COL8A2: variants seen among roughly 807,000 people sequenced by gnomAD.
The protein encoded by COL8A2 is collagen alpha-2(VIII) chain.
Under a neutral mutation model 24.0 loss-of-function variants are expected in COL8A2, and 16 were observed. The observed-to-expected ratio is 0.67, with a 90% confidence interval of 0.45 to 1.01. The LOEUF is 1.01. Ranked by LOEUF, COL8A2 falls within the 50% of genes least tolerant of loss-of-function variation. COL8A2 has a pLI of 0.00. For synonymous variants in COL8A2, 466 were observed against 424.5 expected, an observed-to-expected ratio of 1.10 and a Z score of -1.20; for missense variants, 818 against 942.4, an observed-to-expected ratio of 0.87 and a Z score of 1.73.
At chr1:36,106,678 G>A (rs540624330) in intron 2 of COL8A2, among the ~76,000 whole-genome samples, 16 of 150,632 alleles carry the variant, frequency 1.1e-4, no homozygotes, top group Admixed American at 4.0e-4. Context: ...GGGTGCTCAG[G>A]GCAAAAAGGA....
chr1:36,098,209 G>T lies in COL8A2; in HGVS notation c.1472C>A (p.Pro491His). 6.5e-7 allele frequency: 1 copy of T among 1,539,398 alleles called. No individual in the cohort carries two copies. The change falls in exon 4 of 4, where the codon CCC (proline) becomes CAC (histidine). Residue 491 changes from proline (P) to histidine (H), a missense_variant. Physicochemically the swap from Pro to His is moderately conservative, Grantham distance 77. Transcript: ENST00000397799. ...TTCCCCTGCTCTCCCCTCTCCAGGGGGCCCTGGCAGGCCTGGTTCCCCCTT... is the reference window on the plus strand; with the variant it reads ...TTCCCCTGCTCTCCCCTCTCCAGGGTGCCCTGGCAGGCCTGGTTCCCCCTT... ...GLKGEPGLPG[P>H]PGEGRAGEPG... is the part of the protein sequence containing the mutation.
At chr1:36,109,342 C>A (rs1340813425) in intron 2 of COL8A2, among the ~76,000 whole-genome samples, 1 of 152,232 alleles carries the variant, frequency 6.6e-6, no homozygotes, top group Non-Finnish European at 1.5e-5. Context: ...CTCCTTCTGG[C>A]TCTGTCTCTG....
intron 2 of COL8A2, among the ~76,000 whole-genome samples, chr1:36,112,609 A>T (rs1643858674): frequency 6.6e-6 from 1 of 152,014 alleles, no homozygotes; most frequent in Admixed American, 6.6e-5. Context: ...AGCACCTGGC[A>T]CACCCCCGTC....
Position 36,098,723 on chromosome 1 carries a change from G to T in COL8A2, c.958C>A (p.Leu320Met), listed in dbSNP as rs1341920818. 6.2e-7 allele frequency: 1 copy of T among 1,610,242 alleles called. No homozygotes were observed. Among genetic ancestry groups the T allele is most frequent in the East Asian group, 2.2e-5 (1 of 44,786 alleles). ...CCCCTGTCCCCCTTGGGGCCTGGCA[G>T]TCCTGGCATCCCATAGCCAGTGGGG... ...IGPTGYGMPG[L>M]PGPKGDRGPA... Residue 320 changes from leucine (L) to methionine (M), a missense_variant, in exon 4 of 4, where the codon CTG (leucine) becomes ATG (methionine). By Grantham distance (15) the Leu-to-Met change is conservative. This residue lies in a region of COL8A2 where 573 missense variants were observed against 616.8 expected (regional missense o/e 0.93). Transcript: ENST00000397799.
intron 2 of COL8A2, among the ~76,000 whole-genome samples, chr1:36,102,328 G>A (rs1182987318): frequency 6.6e-6 from 1 of 152,176 alleles, no homozygotes; most frequent in East Asian, 1.9e-4. Flanking sequence ...TGGATCAGTG[G>A]TTGCCTAAGG....
In COL8A2 at chr1:36,097,557, C is replaced by G. The variant is rs3738360; in HGVS notation, c.*12G>C. 6 of 1,585,202 alleles carry G rather than the reference C, an allele frequency of 3.8e-6. No individual in the cohort carries two copies. The Admixed American group carries it at 5.1e-5, about 13-fold the overall frequency. ...GGGGAGGAGGCCAGGGCAGCAGGAC[C>G]CCCCCCGCGGGTTATGTGGGGCAGA... On this transcript the variant is annotated 3_prime_UTR_variant, in exon 4 of 4. Transcript: ENST00000397799.
intron 2 of COL8A2, among the ~76,000 whole-genome samples, chr1:36,106,053 C>G (rs1643756181): frequency 6.6e-6 from 1 of 151,592 alleles, no homozygotes; most frequent in Non-Finnish European, 1.5e-5. Context: ...GGCGGATCAC[C>G]TGAGGTCAGG....
In COL8A2 at chr1:36,097,859, C is replaced by T. The variant is rs763029689; in HGVS notation, c.1822G>A (p.Ala608Thr). Residue 608 changes from alanine to threonine, a missense_variant, in exon 4 of 4, where the codon GCC (alanine) becomes ACC (threonine). Physicochemically the swap from Ala to Thr is moderately conservative, Grantham distance 58 (BLOSUM62 0). Around this residue, in one of 3 missense-constraint regions of COL8A2, gnomAD observed 235 missense variants for 297.3 expected, o/e 0.79. Transcript: ENST00000397799. Reference protein sequence around the residue: ...LYNGHSGYNPATGIFTCPVGG... With the variant: ...LYNGHSGYNPTTGIFTCPVGG... Reference sequence around the variant, plus strand: ...ACAGGGCAGGTGAAGATGCCAGTGGCTGGGTTGTAGCCGCTGTGGCCATTG... The same window carrying T: ...ACAGGGCAGGTGAAGATGCCAGTGGTTGGGTTGTAGCCGCTGTGGCCATTG... 6.2e-7 allele frequency: 1 copy of T among 1,612,670 alleles called. No individual in the cohort carries two copies. Among genetic ancestry groups the T allele is most frequent in the Non-Finnish European group, 8.5e-7 (1 of 1,179,964 alleles).
At chr1:36,118,352 T>C (rs1201335927) in intron 1 of COL8A2, among the ~76,000 whole-genome samples, 3 of 152,168 alleles carry the variant, frequency 2.0e-5, no homozygotes, top group East Asian at 1.9e-4. Context: ...ACTCCTGCTC[T>C]ACCCCACCTG....
chr1:36,102,366 CG>C (rs1425691274), intron 2 of COL8A2, among the ~76,000 whole-genome samples: 3 of 152,042 alleles, frequency 2.0e-5, no homozygotes, highest in African/African-American at 7.2e-5. Context: ...TGGGAAGTGA[CG>C]ACTAATGGGC....
Position 36,115,452 on chromosome 1 carries a change from C to T in COL8A2, c.-17+256G>A, listed in dbSNP as rs569405229. ...GCCAGGCCACTGCACCCAGGCTGGGCCAAGCAAACACGGCCCCGCCAAGGA... is the reference window on the plus strand; with the variant it reads ...GCCAGGCCACTGCACCCAGGCTGGGTCAAGCAAACACGGCCCCGCCAAGGA... On this transcript the variant is annotated intron_variant, in intron 2 of 3. Transcript: ENST00000397799. The surrounding 1 kb of genome is among the most constrained non-coding windows in gnomAD (Gnocchi z 5.7). Among the ~76,000 whole-genome samples, 746 of 152,258 alleles carry T rather than the reference C, an allele frequency of 4.9e-3. 6 individuals carry two copies. The highest frequency in any genetic ancestry group is 0.014 in the Middle Eastern group (4 of 294).
intron 2 of COL8A2, among the ~76,000 whole-genome samples, chr1:36,114,813 A>T (rs1643871520): frequency 6.6e-6 from 1 of 152,102 alleles, no homozygotes; most frequent in Non-Finnish European, 1.5e-5. Context: ...CAGGTGGCTT[A>T]TCACAGGGCC....
At chr1:36,107,132 G>A (rs990565899) in intron 2 of COL8A2, among the ~76,000 whole-genome samples, 5 of 152,188 alleles carry the variant, frequency 3.3e-5, no homozygotes, top group Admixed American at 6.5e-5. Flanking sequence ...AGCTGGGTGC[G>A]GTGGCTCATG....
In COL8A2 at chr1:36,097,343, A is replaced by G. The variant is rs1570021111; in HGVS notation, c.*226T>C. On this transcript the variant is annotated 3_prime_UTR_variant, in exon 4 of 4. Transcript: ENST00000397799. ...GTGTGCCTCAGGGCCTATGGGGTGC[A>G]GCCCTGACACTGCACAGACATTTGG... 1 of 546,176 alleles carries G rather than the reference A, an allele frequency of 1.8e-6. No homozygotes were observed. The highest frequency in any genetic ancestry group is 3.1e-5 in the East Asian group (1 of 31,984). The allele number at this position is 546,176 out of a possible 1,614,324, so 33.8% of individuals were successfully genotyped here. A position where few individuals can be genotyped will look rare whatever the true frequency, so the allele number is the denominator to read the frequency against.
At chr1:36,108,901 A>G (rs922444669) in intron 2 of COL8A2, among the ~76,000 whole-genome samples, 20 of 152,290 alleles carry the variant, frequency 1.3e-4, no homozygotes, top group African/African-American at 4.6e-4. Flanking sequence ...GCTATGTGGT[A>G]GCATGGAATT....
chr1:36,122,441 CAT>C (rs1287022386), intron 1 of COL8A2, among the ~76,000 whole-genome samples: 1 of 152,170 alleles, frequency 6.6e-6, no homozygotes, highest in Non-Finnish European at 1.5e-5. Context: ...TACTTGGGCA[CAT>C]GTGTGTCCAC....
chr1:36,106,821 C>T (rs80254004), intron 2 of COL8A2, among the ~76,000 whole-genome samples: 6,605 of 152,264 alleles, frequency 0.043, 455 homozygotes, highest in African/African-American at 0.15. Context: ...GTGTCCTTGA[C>T]CCACCCTCTT....
intron 2 of COL8A2, among the ~76,000 whole-genome samples, chr1:36,109,994 A>G (rs1570045467): frequency 7.5e-6 from 1 of 133,812 alleles, no homozygotes; most frequent in Non-Finnish European, 1.5e-5. Context: ...CAGTGGCGCG[A>G]TCTCGACTCA....
chr1:36,119,262 CA>C (rs992018237), intron 1 of COL8A2, among the ~76,000 whole-genome samples: 1 of 152,196 alleles, frequency 6.6e-6, no homozygotes, highest in African/African-American at 2.4e-5. Flanking sequence ...CAGTGCTTGG[CA>C]TATAGGAATC....
Sources: allele counts gnomAD v4.1 joint callset (sites outside exome capture counted in the v4.1 genomes callset), GRCh38; gene constraint gnomAD v4.1.1; regional missense constraint gnomAD v4.1.1; non-coding constraint Gnocchi (gnomAD v3.1); transcripts MANE v1.5; gene names NCBI Gene and HGNC (gene_info 2026-07-23, HGNC 2026-07-21).